TMEM131: variants seen among roughly 807,000 people sequenced by gnomAD.
The protein encoded by TMEM131 is 2610524E03Rik.
TMEM131 carries 66 observed loss-of-function variants against 211.6 expected under a neutral mutation model. That is an observed-to-expected ratio of 0.31 (90% CI 0.26 to 0.38). TMEM131 has a LOEUF of 0.38. Ranked by LOEUF, TMEM131 falls within the 10% of genes least tolerant of loss-of-function variation. The pLI is 1.00. For synonymous variants in TMEM131, 844 were observed against 841.3 expected (o/e 1.00, Z -0.06); for missense variants, 2,036 against 2,299.3 (o/e 0.89, Z 2.34).
chr2:97,788,574 C>T (rs926926237), intron 31 of TMEM131, among the ~76,000 whole-genome samples: 4 of 152,296 alleles, frequency 2.6e-5, no homozygotes, highest in Admixed American at 6.5e-5. Flanking sequence ...AACTGGGTCT[C>T]GGCCCACTCC....
chr2:97,887,768 A>C (rs1291365803), intron 4 of TMEM131: 1 of 304,056 alleles, frequency 3.3e-6, no homozygotes, highest in African/African-American at 2.1e-5. Flanking sequence ...AGTGCTAATC[A>C]AAACAGCTAA....
intron 29 of TMEM131, among the ~76,000 whole-genome samples, chr2:97,794,416 CT>C (rs1015849216): frequency 6.6e-6 from 1 of 152,086 alleles, no homozygotes; most frequent in African/African-American, 2.4e-5. Context: ...GAAGAAATGC[CT>C]GGAATTTGAT....
At chr2:97,933,446 T>C (rs1238247840) in intron 1 of TMEM131, among the ~76,000 whole-genome samples, 1 of 152,084 alleles carries the variant, frequency 6.6e-6, no homozygotes, top group Non-Finnish European at 1.5e-5. Context: ...GAAAGTAGAT[T>C]AGAGGTTACT....
At chr2:97,869,480 C>T (rs773305409) in intron 4 of TMEM131, among the ~76,000 whole-genome samples, 1 of 152,184 alleles carries the variant, frequency 6.6e-6, no homozygotes. Context: ...AACCCTTGCT[C>T]AGAGGAGATG....
chr2:97,768,498 C>T (rs1223375346), intron 33 of TMEM131, among the ~76,000 whole-genome samples: 3 of 152,184 alleles, frequency 2.0e-5, no homozygotes, highest in Non-Finnish European at 4.4e-5. Context: ...GTTATTTTTG[C>T]TGATTCATAC....
intron 2 of TMEM131, among the ~76,000 whole-genome samples, chr2:97,923,547 G>T (rs1573562572): frequency 6.7e-6 from 1 of 149,716 alleles, no homozygotes; most frequent in Admixed American, 6.7e-5. Context: ...ACTTGAGCCT[G>T]GGAGGTTGAG....
chr2:97,789,692 C>T (rs1045678228), intron 31 of TMEM131, among the ~76,000 whole-genome samples: 76 of 152,216 alleles, frequency 5.0e-4, no homozygotes, highest in African/African-American at 1.8e-3. Context: ...TTAACAGACA[C>T]TGAGACCCAA....
chr2:97,969,437 T>C (rs1372707975), intron 1 of TMEM131, among the ~76,000 whole-genome samples: 1 of 152,182 alleles, frequency 6.6e-6, no homozygotes, highest in Non-Finnish European at 1.5e-5. Context: ...ACTTCTTTCC[T>C]TCTCTAACTC....
At chr2:97,866,799 T>C (rs1462393223) in intron 4 of TMEM131, among the ~76,000 whole-genome samples, 1 of 152,228 alleles carries the variant, frequency 6.6e-6, no homozygotes, top group East Asian at 1.9e-4. Flanking sequence ...CCAATTTATT[T>C]CAGTAGAAAA....
intron 1 of TMEM131, among the ~76,000 whole-genome samples, chr2:97,960,846 T>C (rs1426040657): frequency 2.0e-5 from 3 of 152,066 alleles, no homozygotes; most frequent in African/African-American, 4.8e-5. Context: ...CAAACAGAGT[T>C]AATACCAGAA....
At chr2:97,881,242 CT>C (rs10713748) in intron 4 of TMEM131, among the ~76,000 whole-genome samples, 45,618 of 144,532 alleles carry the variant, frequency 0.32, 7,618 homozygotes, top group Middle Eastern at 0.44. Flanking sequence ...TCTTGCGACT[CT>C]TTTTTTTTTT....
In TMEM131 at chr2:97,938,466, CAAG is replaced by C. The variant is rs779647152; in HGVS notation, c.188-10982_188-10980del. On this transcript the variant is annotated intron_variant, in intron 1 of 40. Transcript: ENST00000186436. ...CATAATGGTAAAGGGATCAATTCAA[CAAG>C]AAGAACTAACTATCCTAAATATATA... Among the ~76,000 whole-genome samples the C allele has an allele frequency of 3.3e-5, 5 of 152,292 alleles. No homozygotes were observed. The East Asian group carries it at 5.8e-4, about 18-fold the overall frequency.
intron 5 of TMEM131, among the ~76,000 whole-genome samples, chr2:97,858,765 A>T (rs2105173820): frequency 6.6e-6 from 1 of 152,354 alleles, no homozygotes; most frequent in African/African-American, 2.4e-5. Flanking sequence ...AAGAGCCAGC[A>T]GCGAAACAAG....
intron 1 of TMEM131, among the ~76,000 whole-genome samples, chr2:97,947,374 G>A (rs948105568): frequency 6.6e-6 from 1 of 151,964 alleles, no homozygotes; most frequent in Non-Finnish European, 1.5e-5. Flanking sequence ...TTTTACAGGT[G>A]ATACAGGATA....
chr2:97,805,432 T>C lies in TMEM131; in HGVS notation c.2228A>G (p.Asp743Gly). The change falls in exon 21 of 41, where the codon GAT (aspartate) becomes GGT (glycine). Residue 743 changes from aspartate to glycine, a missense_variant. Asp to Gly is a moderately conservative substitution (Grantham distance 94, BLOSUM62 -1). Transcript: ENST00000186436. Reference protein sequence around the residue: ...KKSKIANIYFDPGLQCGDHCY... With the variant: ...KKSKIANIYFGPGLQCGDHCY... Reference sequence around the variant, plus strand: ...ATGATCCCCACACTGTAGTCCAGGATCAAAATAAATGTTTGCAATCTATAA... The same window carrying C: ...ATGATCCCCACACTGTAGTCCAGGACCAAAATAAATGTTTGCAATCTATAA... 6.2e-7 allele frequency: 1 copy of C among 1,613,928 alleles called. No individual in the cohort carries two copies. The highest frequency in any genetic ancestry group is 8.5e-7 in the Non-Finnish European group (1 of 1,179,868).
chr2:97,768,837 G>A (rs555731298), intron 33 of TMEM131, among the ~76,000 whole-genome samples: 2 of 152,244 alleles, frequency 1.3e-5, no homozygotes, highest in East Asian at 1.9e-4. Context: ...GTGATCTGCC[G>A]TCCTTGGCCT....
rs559533474 is a variant in TMEM131 at position 97,763,475 on chromosome 2, G to C, written c.4724-1275C>G. 2.6e-5 allele frequency: 4 copies of C among 152,726 alleles called. No individual in the cohort carries two copies. In the East Asian group the frequency reaches 7.7e-4, roughly 29 times the overall value. The allele number at this position is 152,726 out of a possible 1,614,324, so 9.5% of individuals were successfully genotyped here. ...ACATGGGCCCCTCCTCGCTGGTTCT[G>C]TGGATCTGCTGACCTGATGCCCACA... is the stretch of plus-strand genomic sequence containing the variant. On this transcript the variant is annotated intron_variant, in intron 35 of 40. Transcript: ENST00000186436.
intron 2 of TMEM131, among the ~76,000 whole-genome samples, chr2:97,909,309 G>A (rs773560656): frequency 6.6e-6 from 1 of 152,092 alleles, no homozygotes; most frequent in Non-Finnish European, 1.5e-5. Flanking sequence ...AGAGAGCAGA[G>A]GTTGGTATGT....
At chr2:97,928,409 C>T (rs1465547012) in intron 1 of TMEM131, among the ~76,000 whole-genome samples, 1 of 149,584 alleles carries the variant, frequency 6.7e-6, no homozygotes, top group Non-Finnish European at 1.5e-5. Flanking sequence ...ATGGTGGATA[C>T]AGGACATGAT....
Sources: allele counts gnomAD v4.1 joint callset (sites outside exome capture counted in the v4.1 genomes callset), GRCh38; gene constraint gnomAD v4.1.1; transcripts MANE v1.5; gene names NCBI Gene and HGNC (gene_info 2026-07-23, HGNC 2026-07-21).